The following DEPDC5 variants were observed in gnomAD, a reference collection of about 807,000 sequenced individuals.
DEPDC5 encodes DEP domain containing 5, GATOR1 subcomplex subunit.
A neutral mutation model predicts 217.3 loss-of-function variants in DEPDC5; 73 were observed. The observed-to-expected ratio is 0.34, with a 90% CI of 0.28 to 0.41. The LOEUF is 0.41. DEPDC5 is among the 10% of genes least tolerant of loss of function. DEPDC5 has a pLI of 1.00. For synonymous variants in DEPDC5, 733 were observed against 756.7 expected (o/e 0.97, Z 0.51); for missense variants, 1,675 against 2,070.1 (o/e 0.81, Z 3.70).
At chr22:31,833,639 C>T (rs1312383543) in intron 24 of DEPDC5, among the ~76,000 whole-genome samples, 2 of 152,152 alleles carry the variant, frequency 1.3e-5, no homozygotes, top group African/African-American at 2.4e-5. Flanking sequence ...TGTCCGTTTT[C>T]TTAAAATAAG....
At chr22:31,851,024 C>T (rs1028103525) in intron 31 of DEPDC5, among the ~76,000 whole-genome samples, 7 of 150,044 alleles carry the variant, frequency 4.7e-5, no homozygotes, top group Non-Finnish European at 7.4e-5. Flanking sequence ...GCCGAGATTG[C>T]GCCACTGCAC....
chr22:31,754,921 G>A lies in DEPDC5; in HGVS notation c.-1G>A. 1.2e-6 allele frequency: 2 copies of A among 1,614,198 alleles called. No homozygotes were observed. The highest frequency in any genetic ancestry group is 1.7e-6 in the Non-Finnish European group (2 of 1,180,020). On this transcript the variant is annotated 5_prime_UTR_variant, in exon 2 of 43. Coordinates refer to ENST00000651528, the MANE Select transcript of DEPDC5 (RefSeq NM_001242896.3). ...ACAGCTAAAGGGAAAAACAGTGCAA[G>A]ATGAGAACAACAAAGGTCTACAAAC...
At chr22:31,807,162 T>C (rs1446306496) in intron 18 of DEPDC5, among the ~76,000 whole-genome samples, 1 of 152,232 alleles carries the variant, frequency 6.6e-6, no homozygotes, top group African/African-American at 2.4e-5. Context: ...ACCTGGTTGG[T>C]GTACCATACT....
intron 21 of DEPDC5, among the ~76,000 whole-genome samples, chr22:31,817,925 T>C (rs2089313628): frequency 6.6e-6 from 1 of 152,354 alleles, no homozygotes; most frequent in African/African-American, 2.4e-5. Flanking sequence ...CACAGAAATC[T>C]GAACATTCTC....
chr22:31,771,072 C>A (rs2083312617), intron 7 of DEPDC5, among the ~76,000 whole-genome samples: 1 of 152,156 alleles, frequency 6.6e-6, no homozygotes, highest in Non-Finnish European at 1.5e-5. Flanking sequence ...CGTTGAGCCA[C>A]CGCACGCGGC....
intron 4 of DEPDC5, among the ~76,000 whole-genome samples, chr22:31,762,763 C>CTAAA (rs986288794): frequency 1.2e-4 from 18 of 151,994 alleles, no homozygotes; most frequent in South Asian, 2.1e-4. Flanking sequence ...AACTCTGTCT[C>CTAAA]TAAATAAATA....
At chr22:31,786,094 T>A (rs1352809688) in intron 10 of DEPDC5, among the ~76,000 whole-genome samples, 1 of 151,850 alleles carries the variant, frequency 6.6e-6, no homozygotes, top group African/African-American at 2.4e-5. Context: ...CTGTCTCTAC[T>A]AAAAATACAA....
intron 41 of DEPDC5, among the ~76,000 whole-genome samples, chr22:31,903,975 A>C (rs1199835031): frequency 6.6e-6 from 1 of 152,072 alleles, no homozygotes; most frequent in Non-Finnish European, 1.5e-5. Context: ...GTGGAGCTTT[A>C]AGTGCAACTG....
chr22:31,893,798 T>C, intron 39 of DEPDC5, 47 bp downstream of exon 39: 8 of 1,488,056 alleles, frequency 5.4e-6, no homozygotes, highest in Non-Finnish European at 7.2e-6. Context: ...CACCTCACAG[T>C]GGGCATGGAG....
At position 31,861,451 on chromosome 22, in the gene DEPDC5, G is replaced by T; in HGVS notation, c.3330+18G>T. The T allele has an allele frequency of 1.9e-6, 3 of 1,551,314 alleles. No homozygotes were observed. The highest frequency in any genetic ancestry group is 1.7e-6 in the Non-Finnish European group (2 of 1,146,844). On this transcript the variant is annotated intron_variant, in intron 33 of 42. Coordinates refer to ENST00000651528, the MANE Select transcript of DEPDC5 (RefSeq NM_001242896.3). ...ACCCTCAGGTTAGTCCAACTCCAGGGCTTCGCATGCCTGTCCCACTGGCAG... is the reference window on the plus strand; with the variant it reads ...ACCCTCAGGTTAGTCCAACTCCAGGTCTTCGCATGCCTGTCCCACTGGCAG...
At position 31,776,781 on chromosome 22, in the gene DEPDC5, G is replaced by A. The variant is rs11912751; in HGVS notation, c.414-1318G>A. ...GTAGAGAGGGGGTTTCACCATATTG[G>A]CCAGGCTGGTCTTGAACTCCTGACC... On this transcript the variant is annotated intron_variant, in intron 7 of 42. Transcript: ENST00000651528. 5.2e-3 allele frequency among the ~76,000 whole-genome samples: 793 copies of A among 151,582 alleles called. 8 individuals carry two copies. The highest frequency in any genetic ancestry group is 0.018 in the African/African-American group (763 of 41,308).
chr22:31,865,995 G>C (rs115971705), intron 33 of DEPDC5, among the ~76,000 whole-genome samples: 1 of 152,096 alleles, frequency 6.6e-6, no homozygotes, highest in South Asian at 2.1e-4. Flanking sequence ...CAGCCTCCAG[G>C]CACAGTGGAG....
intron 40 of DEPDC5, among the ~76,000 whole-genome samples, chr22:31,901,435 G>C (rs2093647141): frequency 6.6e-6 from 1 of 152,022 alleles, no homozygotes; most frequent in African/African-American, 2.4e-5. Flanking sequence ...TTCAGCTTTG[G>C]GTATAAGAAG....
At position 31,815,009 on chromosome 22, in the gene DEPDC5, A is replaced by C; in HGVS notation, c.1463A>C (p.Glu488Ala). 1.9e-6 allele frequency: 3 copies of C among 1,614,100 alleles called. No individual in the cohort carries two copies. Among genetic ancestry groups the C allele is most frequent in the Non-Finnish European group, 2.5e-6 (3 of 1,179,972 alleles). Residue 488 changes from glutamate (E) to alanine (A), a missense_variant, in exon 21 of 43, where the codon GAG becomes GCG. By Grantham distance (107) the Glu-to-Ala change is moderately radical. This residue lies in a region of DEPDC5 where 628 missense variants were observed against 762.1 expected (regional missense o/e 0.82). Coordinates refer to ENST00000651528, the MANE Select transcript of DEPDC5 (RefSeq NM_001242896.3). ...LTTCRSVRER[E>A]SHSRKSASSC... ...CCTGGCAGATCTGTGCGAGAGCGAG[A>C]GAGTCACAGTCGAAAGAGTGCCAGC...
intron 24 of DEPDC5, among the ~76,000 whole-genome samples, chr22:31,833,103 C>T (rs2090724758): frequency 6.6e-6 from 1 of 152,220 alleles, no homozygotes; most frequent in Non-Finnish European, 1.5e-5. Context: ...CACTCTATCA[C>T]CCAGGCTGGG....
intron 39 of DEPDC5, among the ~76,000 whole-genome samples, chr22:31,896,479 C>T (rs911591881): frequency 6.6e-6 from 1 of 151,494 alleles, no homozygotes; most frequent in Non-Finnish European, 1.5e-5. Context: ...GGAAATAATA[C>T]TTGACACAAA....
chr22:31,755,236 C>G (rs1194539006), intron 2 of DEPDC5: 6 of 503,664 alleles, frequency 1.2e-5, no homozygotes, highest in Non-Finnish European at 2.1e-5. Context: ...TTATTAATTA[C>G]AAATCTTCCG....
intron 38 of DEPDC5, among the ~76,000 whole-genome samples, chr22:31,881,463 C>A (rs950936680): frequency 3.9e-5 from 6 of 152,064 alleles, no homozygotes; most frequent in Admixed American, 3.3e-4. Context: ...GCTCTTCTCC[C>A]TTCATTGCAT....
chr22:31,867,998 C>T (rs1324376777), intron 33 of DEPDC5, among the ~76,000 whole-genome samples: 1 of 152,160 alleles, frequency 6.6e-6, no homozygotes, highest in Non-Finnish European at 1.5e-5. Context: ...AAATTTACGG[C>T]ATGGTCTCAT....
Sources: allele counts gnomAD v4.1 joint callset (sites outside exome capture counted in the v4.1 genomes callset), GRCh38; gene constraint gnomAD v4.1.1; regional missense constraint gnomAD v4.1.1; transcripts MANE v1.5; gene names NCBI Gene and HGNC (gene_info 2026-07-23, HGNC 2026-07-21).